Variants in PTPN14 observed in about 807,000 individuals in gnomAD.
The protein encoded by PTPN14 is tyrosine-protein phosphatase non-receptor type 14.
PTPN14 carries 53 observed loss-of-function variants against 126.8 expected under a neutral mutation model. The ratio of observed to expected loss-of-function variants is 0.42; its 90% CI spans 0.34 to 0.53. PTPN14 has a LOEUF of 0.53. Ranked by LOEUF, PTPN14 falls within the 20% of genes least tolerant of loss-of-function variation. PTPN14 has a pLI of 0.08. For synonymous variants in PTPN14, 630 were observed against 599.3 expected (o/e 1.05, Z -0.75); for missense variants, 1,257 against 1,552.9 (o/e 0.81, Z 3.20).
At chr1:214,386,760 T>G in intron 12 of PTPN14, 84 bp downstream of exon 12, 1 of 1,309,526 alleles carries the variant, frequency 7.6e-7, no homozygotes, top group Non-Finnish European at 1.1e-6. Flanking sequence ...AGCATCCCTG[T>G]CATCTTTTTT....
chr1:214,419,304 C>T (rs745401700), intron 3 of PTPN14, among the ~76,000 whole-genome samples: 1 of 152,172 alleles, frequency 6.6e-6, no homozygotes, highest in Non-Finnish European at 1.5e-5. Context: ...GTCTGCTCTT[C>T]CCTCCTCTAG....
chr1:214,380,861 A>G (rs1368923234), intron 13 of PTPN14, among the ~76,000 whole-genome samples: 6 of 152,210 alleles, frequency 3.9e-5, no homozygotes, highest in East Asian at 3.9e-4. Context: ...GCTCAAAGCC[A>G]CTGGCATTGT....
intron 4 of PTPN14, among the ~76,000 whole-genome samples, chr1:214,412,924 T>C (rs1405230391): frequency 2.0e-5 from 3 of 152,190 alleles, no homozygotes; most frequent in African/African-American, 7.2e-5. Context: ...GGCTGGGGTG[T>C]AGTGAATTGA....
At chr1:214,399,052 C>T (rs1170795234) in intron 7 of PTPN14, among the ~76,000 whole-genome samples, 1 of 152,220 alleles carries the variant, frequency 6.6e-6, no homozygotes, top group Non-Finnish European at 1.5e-5. Context: ...CAGGCGTGAG[C>T]CACCGTGCCC....
intron 3 of PTPN14, among the ~76,000 whole-genome samples, chr1:214,439,049 T>C (rs191428935): frequency 1.3e-5 from 2 of 152,326 alleles, no homozygotes; most frequent in East Asian, 1.9e-4. Flanking sequence ...TTTTCCTTTT[T>C]TTCCCCCTAC....
At chr1:214,543,637 CG>C (rs1178058888) in intron 1 of PTPN14, among the ~76,000 whole-genome samples, 1 of 151,618 alleles carries the variant, frequency 6.6e-6, no homozygotes, top group Non-Finnish European at 1.5e-5. Flanking sequence ...TTCTATAACA[CG>C]TTTTTTTTTT....
chr1:214,541,203 A>G (rs1655826655), intron 1 of PTPN14, among the ~76,000 whole-genome samples: 1 of 152,184 alleles, frequency 6.6e-6, no homozygotes, highest in Admixed American at 6.6e-5. Flanking sequence ...CATAAAAATC[A>G]TATACACATT....
intron 13 of PTPN14, 127 bp from the exon 14 acceptor site, chr1:214,378,229 A>C: frequency 8.1e-7 from 1 of 1,234,066 alleles, no homozygotes; most frequent in Middle Eastern, 2.0e-4. Context: ...AGTAGGGCAA[A>C]TTCAAACACA....
At position 214,355,876 on chromosome 1, in the gene PTPN14, C is replaced by T. The variant is rs1455526076; in HGVS notation, c.*2046G>A. The T allele has an allele frequency of 6.6e-6, 1 of 151,864 alleles. No homozygotes were observed. Among genetic ancestry groups the T allele is most frequent in the Non-Finnish European group, 1.5e-5 (1 of 68,000 alleles). The allele number at this position is 151,864 out of a possible 1,614,324, so 9.4% of individuals were successfully genotyped here. ...AATGAAGAAAGGCATATGGAACTCT[C>T]ACAGCAGTCAATTCTAAGAAAAAAA... On this transcript the variant is annotated 3_prime_UTR_variant, in exon 19 of 19. Coordinates refer to ENST00000366956, the MANE Select transcript of PTPN14 (RefSeq NM_005401.5).
At chr1:214,515,191 G>A (rs1357693533) in intron 1 of PTPN14, among the ~76,000 whole-genome samples, 1 of 152,088 alleles carries the variant, frequency 6.6e-6, no homozygotes, top group Non-Finnish European at 1.5e-5. Context: ...TTATTTCAGT[G>A]ATTAAAGACA....
intron 1 of PTPN14, among the ~76,000 whole-genome samples, chr1:214,537,573 C>A (rs1655738857): frequency 6.6e-6 from 1 of 152,190 alleles, no homozygotes. Context: ...GAAAGATAAT[C>A]CACTGGACAA....
chr1:214,533,260 G>A, intron 1 of PTPN14: 1 of 625,284 alleles, frequency 1.6e-6, no homozygotes, highest in Non-Finnish European at 2.9e-6. Context: ...CCAAGCCCAG[G>A]AGTGCGAGGC....
In PTPN14 at chr1:214,497,159, A is replaced by G. The variant is rs73077932; in HGVS notation, c.-154-32202T>C. 7.9e-3 allele frequency among the ~76,000 whole-genome samples: 1,199 copies of G among 152,166 alleles called. 13 individuals carry two copies. The highest frequency in any genetic ancestry group is 0.027 in the African/African-American group (1,131 of 41,502). On this transcript the variant is annotated intron_variant, in intron 1 of 18. Coordinates refer to ENST00000366956, the MANE Select transcript of PTPN14 (RefSeq NM_005401.5). ...GAAGAAATAAAGAAAGAAAACAACA[A>G]CCTGGAGGAAAATACTTGCAACATA...
intron 1 of PTPN14, among the ~76,000 whole-genome samples, chr1:214,485,223 T>C (rs1003030530): frequency 8.5e-5 from 13 of 152,316 alleles, no homozygotes; most frequent in African/African-American, 2.6e-4. Context: ...TATTGAGCAC[T>C]TACTGTGTTT....
Position 214,384,082 on chromosome 1 carries a change from G to A in PTPN14, c.1773C>T (p.Ser591=), listed in dbSNP as rs200449103. ...DLASHRHKYV[S]GSSPDLVTRK... is the part of the protein sequence containing the mutation. ...GGGTCACCAGGTCCGGGCTGCTGCCGCTGACGTACTTGTGGCGGTGGCTGG... is the reference window on the plus strand; with the variant it reads ...GGGTCACCAGGTCCGGGCTGCTGCCACTGACGTACTTGTGGCGGTGGCTGG... Residue 591 remains serine (S), a synonymous_variant, in exon 13 of 19, where the codon AGC becomes AGT. Transcript: ENST00000366956. This position sits in a 1 kb window ranked among gnomAD's most constrained non-coding sequence, Gnocchi z 5.3. 246 of 1,575,324 alleles carry A rather than the reference G, an allele frequency of 1.6e-4. No individual in the cohort carries two copies. Among genetic ancestry groups the A allele is most frequent in the Non-Finnish European group, 2.0e-4 (237 of 1,163,470 alleles).
intron 1 of PTPN14, among the ~76,000 whole-genome samples, chr1:214,475,684 C>G (rs1037510846): frequency 3.5e-5 from 5 of 143,916 alleles, no homozygotes; most frequent in African/African-American, 1.5e-4. Context: ...TCAGCACCGC[C>G]ATTTGTGAAG....
chr1:214,449,865 C>T lies in PTPN14; in HGVS notation c.344+1940G>A, dbSNP rs537691719. The stretch of plus-strand genomic sequence containing the variant: ...TAAAAATAAAAAAAAAAGGAAAGAA[C>T]GAAAGTGAAAAAAATAAGCACTTTG... On this transcript the variant is annotated intron_variant, in intron 3 of 18. Transcript: ENST00000366956. Among the ~76,000 whole-genome samples, 5 of 151,154 alleles carry T rather than the reference C, an allele frequency of 3.3e-5. No homozygotes were observed. The South Asian group carries it at 6.3e-4, about 19-fold the overall frequency.
At chr1:214,370,205 G>A (rs977811755) in intron 16 of PTPN14, among the ~76,000 whole-genome samples, 2 of 151,834 alleles carry the variant, frequency 1.3e-5, no homozygotes, top group Non-Finnish European at 2.9e-5. Context: ...GCATAAACCC[G>A]GGAGGCGGAG....
In PTPN14 at chr1:214,369,578, G is replaced by C. The variant is rs1658164851; in HGVS notation, c.3150C>G (p.Cys1050Trp). Residue 1050 changes from cysteine to tryptophan, a missense_variant, in exon 17 of 19, where the codon TGC (cysteine) becomes TGG (tryptophan). Cys to Trp is a radical substitution (Grantham distance 215, BLOSUM62 -2). This residue lies in a region of PTPN14 where 171 missense variants were observed against 229.8 expected (regional missense o/e 0.74). Transcript: ENST00000366956. ...TGACCTTCAAGCCCGTGGTTGCATAGCAAACAGAATCCGTTCGAAACTTCG... is the reference window on the plus strand; with the variant it reads ...TGACCTTCAAGCCCGTGGTTGCATACCAAACAGAATCCGTTCGAAACTTCG... ...VTTKFRTDSV[C>W]YATTGLKVKH... 6.2e-7 allele frequency: 1 copy of C among 1,614,198 alleles called. No individual in the cohort carries two copies. Among genetic ancestry groups the C allele is most frequent in the Non-Finnish European group, 8.5e-7 (1 of 1,180,046 alleles).
Sources: gnomAD v4.1 joint callset for allele counts (sites outside exome capture counted in the v4.1 genomes callset) on GRCh38, gnomAD v4.1.1 for gene constraint, gnomAD v4.1.1 regional missense constraint, Gnocchi (gnomAD v3.1) non-coding constraint, MANE v1.5 for transcripts, NCBI Gene and HGNC (gene_info 2026-07-23, HGNC 2026-07-21) for gene names.